MITF: variants seen among roughly 807,000 people sequenced by gnomAD.
MITF encodes the protein melanocyte inducing transcription factor.
A neutral mutation model predicts 60.5 loss-of-function variants in MITF; 17 were observed. The ratio of observed to expected loss-of-function variants is 0.28; its 90% CI spans 0.19 to 0.42. The LOEUF (loss-of-function observed/expected upper bound fraction) is 0.42. MITF is among the 10% of genes least tolerant of loss of function. The probability of loss-of-function intolerance (pLI) is 1.00; values close to 1 mark genes in which losing one functional copy is unlikely to be tolerated. For synonymous variants in MITF, 260 were observed against 248.5 expected (o/e 1.05, Z -0.43); for missense variants, 622 against 683.5 (o/e 0.91, Z 1.00).
chr3:69,891,570 T>G (rs1447687886), intron 2 of MITF, among the ~76,000 whole-genome samples: 3 of 152,246 alleles, frequency 2.0e-5, no homozygotes, highest in Non-Finnish European at 4.4e-5. Context: ...TTCTGAAAGA[T>G]TCTAAAGTAT....
chr3:69,789,367 A>G (rs2566469), intron 1 of MITF, among the ~76,000 whole-genome samples: 1 of 152,232 alleles, frequency 6.6e-6, no homozygotes, highest in Non-Finnish European at 1.5e-5. Flanking sequence ...TATACAGATG[A>G]CCAACAAGCA....
chr3:69,769,504 G>A (rs950649916), intron 1 of MITF: 7 of 151,150 alleles, frequency 4.6e-5, no homozygotes, highest in African/African-American at 1.7e-4. Flanking sequence ...GGGCCTTGCT[G>A]TGATGCCCAG....
At chr3:69,905,303 C>T (rs577111619) in intron 2 of MITF, among the ~76,000 whole-genome samples, 21 of 152,202 alleles carry the variant, frequency 1.4e-4, no homozygotes, top group East Asian at 7.7e-4. Flanking sequence ...TTTTGTGGCA[C>T]GTATCAATAT....
intron 1 of MITF, among the ~76,000 whole-genome samples, chr3:69,745,171 A>G (rs1010965256): frequency 6.6e-6 from 1 of 152,202 alleles, no homozygotes. Context: ...TGTTAATTCA[A>G]CCTTGGGTGT....
intron 1 of MITF, chr3:69,763,717 T>C (rs1175756371): frequency 3.3e-5 from 44 of 1,330,210 alleles, no homozygotes; most frequent in Non-Finnish European, 4.1e-5. Context: ...CTCTCTTCTG[T>C]AGCTTGTTTG....
chr3:69,935,029 TCTGCTGTTC>T (rs1179109756), intron 2 of MITF, among the ~76,000 whole-genome samples: 1 of 152,200 alleles, frequency 6.6e-6, no homozygotes. Context: ...GCAGTTTTTA[TCTGCTGTTC>T]CTGCTAGATA....
intron 2 of MITF, among the ~76,000 whole-genome samples, chr3:69,928,505 C>G (rs2065644424): frequency 6.6e-6 from 1 of 152,078 alleles, no homozygotes; most frequent in Non-Finnish European, 1.5e-5. Flanking sequence ...TTGTCAGTGT[C>G]AGAATAAAGA....
chr3:69,855,315 T>C (rs1170616192), intron 1 of MITF, among the ~76,000 whole-genome samples: 3 of 146,334 alleles, frequency 2.1e-5, no homozygotes, highest in Admixed American at 6.8e-5. Flanking sequence ...CTTTTTGAAA[T>C]TGTCAGTTTA....
At chr3:69,764,545 T>C (rs2062260420) in intron 1 of MITF, among the ~76,000 whole-genome samples, 1 of 152,244 alleles carries the variant, frequency 6.6e-6, no homozygotes, top group South Asian at 2.1e-4. Flanking sequence ...TCTGTTATAC[T>C]TCAAAAATAA....
At chr3:69,955,025 A>G (rs2066361105) in intron 7 of MITF, among the ~76,000 whole-genome samples, 1 of 152,342 alleles carries the variant, frequency 6.6e-6, no homozygotes, top group Non-Finnish European at 1.5e-5. Context: ...TTATCATGTC[A>G]TATGCCTTAT....
At chr3:69,795,327 C>T (rs976500315) in intron 1 of MITF, among the ~76,000 whole-genome samples, 11 of 152,186 alleles carry the variant, frequency 7.2e-5, no homozygotes, top group South Asian at 2.1e-4. Context: ...GCCTGATATA[C>T]GACACTTCTA....
At chr3:69,745,545 A>C (rs887332260) in intron 1 of MITF, among the ~76,000 whole-genome samples, 4 of 152,240 alleles carry the variant, frequency 2.6e-5, no homozygotes, top group Non-Finnish European at 2.9e-5. Context: ...GTGTTTCTCT[A>C]CACTAAGTAA....
intron 1 of MITF, among the ~76,000 whole-genome samples, chr3:69,843,293 G>A (rs879366047): frequency 5.3e-5 from 8 of 152,084 alleles, no homozygotes; most frequent in South Asian, 2.1e-4. Flanking sequence ...GAAAGAAGGC[G>A]TGAGAAATTT....
chr3:69,748,048 G>A (rs992097481), intron 1 of MITF, among the ~76,000 whole-genome samples: 3 of 151,192 alleles, frequency 2.0e-5, no homozygotes, highest in Admixed American at 1.3e-4. Context: ...ACTCTGTTGT[G>A]AAAATGTCAG....
At chr3:69,741,675 A>G (rs939205610) in intron 1 of MITF, among the ~76,000 whole-genome samples, 5 of 152,250 alleles carry the variant, frequency 3.3e-5, no homozygotes, top group Non-Finnish European at 5.9e-5. Flanking sequence ...GGAAGGCTAA[A>G]TTAAAAAAGT....
chr3:69,753,945 G>T (rs538675952), intron 1 of MITF, among the ~76,000 whole-genome samples: 1 of 152,322 alleles, frequency 6.6e-6, no homozygotes, highest in South Asian at 2.1e-4. Flanking sequence ...TTTGGGGACT[G>T]TTGGGAAGCC....
chr3:69,742,384 A>G (rs979372581), intron 1 of MITF, among the ~76,000 whole-genome samples: 2 of 152,152 alleles, frequency 1.3e-5, no homozygotes, highest in Non-Finnish European at 2.9e-5. Flanking sequence ...GAGGTCAAGC[A>G]ACTCTGTGTT....
At chr3:69,913,526 G>C (rs2065267363) in intron 2 of MITF, among the ~76,000 whole-genome samples, 1 of 152,206 alleles carries the variant, frequency 6.6e-6, no homozygotes, top group Non-Finnish European at 1.5e-5. Flanking sequence ...TAATGGAGCA[G>C]TGACAATGGT....
chr3:69,936,867 C>T, intron 2 of MITF: 1 of 946,194 alleles, frequency 1.1e-6, no homozygotes, highest in Non-Finnish European at 1.6e-6. Context: ...TATAAATCTG[C>T]TCTTTTAATG....
Sources: gnomAD v4.1 joint callset for allele counts (sites outside exome capture counted in the v4.1 genomes callset) on GRCh38, gnomAD v4.1.1 for gene constraint, MANE v1.5 for transcripts, NCBI Gene and HGNC (gene_info 2026-07-23, HGNC 2026-07-21) for gene names.